Variants in WDR1 observed in about 807,000 individuals in gnomAD.
WDR1 encodes the protein WD repeat domain 1, also known as WD repeat-containing protein 1.
Under a neutral mutation model 71.9 loss-of-function variants are expected in WDR1, and 21 were observed. The observed-to-expected ratio is 0.29, with a 90% CI of 0.21 to 0.42. The LOEUF (loss-of-function observed/expected upper bound fraction) is 0.42, where lower values mean the gene tolerates loss of function less well. WDR1 is among the 10% of genes least tolerant of loss of function. The pLI, the probability that WDR1 is intolerant of heterozygous loss-of-function variation, is 1.00. For synonymous variants in WDR1, 424 were observed against 347.4 expected (o/e 1.22, Z -2.45); for missense variants, 696 against 824.5 (o/e 0.84, Z 1.91).
chr4:10,081,607 G>A (rs1765016176), intron 10 of WDR1, among the ~76,000 whole-genome samples, 163 bp from the exon 11 acceptor site: 4 of 135,786 alleles, frequency 2.9e-5, no homozygotes, highest in South Asian at 2.4e-4. Flanking sequence ...GCGAAAAAAC[G>A]ATCCATGACT....
chr4:10,088,749 A>C lies in WDR1; in HGVS notation c.559-8T>G. 6.3e-7 allele frequency: 1 copy of C among 1,588,652 alleles called. No individual in the cohort carries two copies. The highest frequency in any genetic ancestry group is 8.6e-7 in the Non-Finnish European group (1 of 1,166,788). ...GACAAAGCGGCTGTGGTCCTGCAGG[A>C]AAACAATTACCTGCCTGATGAGGGG... On this transcript the variant is annotated splice_polypyrimidine_tract_variant and splice_region_variant and intron_variant, in intron 5 of 14. Transcript: ENST00000499869.
At chr4:10,093,252 G>T in intron 5 of WDR1, 1 of 818,172 alleles carries the variant, frequency 1.2e-6, no homozygotes, top group Non-Finnish European at 1.7e-6. Context: ...AGGACCACAA[G>T]CCCACCCTTA....
chr4:10,102,985 G>A (rs1712771943), intron 3 of WDR1, among the ~76,000 whole-genome samples: 1 of 152,098 alleles, frequency 6.6e-6, no homozygotes, highest in South Asian at 2.1e-4. Flanking sequence ...ATTCTAGAAG[G>A]GGTACCACTC....
intron 3 of WDR1, among the ~76,000 whole-genome samples, chr4:10,102,509 C>A (rs1281647265): frequency 6.6e-6 from 1 of 152,204 alleles, no homozygotes; most frequent in Non-Finnish European, 1.5e-5. Context: ...CTTTGTTCTT[C>A]TGCCATGGAC....
Position 10,099,188 on chromosome 4 carries a change from A to ATG in WDR1, c.230-50_230-49insCA. The ATG allele has an allele frequency of 3.9e-5, 16 of 414,380 alleles. 1 individual carries two copies. Among genetic ancestry groups the ATG allele is most frequent in the East Asian group, 2.7e-4 (5 of 18,322 alleles). 25.7% of individuals were successfully genotyped at this position (414,380 alleles called of 1,614,324 possible). ...AGGGGGGGAGGCGGTGGTGGGGTAAAGGGCAGGGGGAGAGCCACAGGTCAC... is the reference window on the plus strand; with the variant it reads ...AGGGGGGGAGGCGGTGGTGGGGTAAATGGGGCAGGGGGAGAGCCACAGGTCAC... On this transcript the variant is annotated intron_variant, in intron 3 of 14. Transcript: ENST00000499869.
At chr4:10,094,523 G>A (rs1047155374) in intron 5 of WDR1, among the ~76,000 whole-genome samples, 4 of 152,192 alleles carry the variant, frequency 2.6e-5, no homozygotes, top group African/African-American at 7.2e-5. Context: ...AGATGGTCTC[G>A]CCACCCTCCC....
chr4:10,090,708 G>C (rs952519881), intron 5 of WDR1, among the ~76,000 whole-genome samples: 6 of 152,222 alleles, frequency 3.9e-5, no homozygotes, highest in Admixed American at 3.9e-4. Context: ...ACCTGAACCA[G>C]GATCTCCCAC....
Position 10,075,188 on chromosome 4 carries a change from T to G in WDR1, c.*190A>C, listed in dbSNP as rs1764752450. On this transcript the variant is annotated 3_prime_UTR_variant, in exon 15 of 15. Transcript: ENST00000499869. ...GCTTTATTTTTCATGTGCAAACTGT[T>G]ACTGTCTAAAGCTTTCAGAAGAACG... is the stretch of plus-strand genomic sequence containing the variant. 1.8e-6 allele frequency: 1 copy of G among 568,220 alleles called. No homozygotes were observed. The highest frequency in any genetic ancestry group is 1.9e-5 in the African/African-American group (1 of 53,588). The allele number at this position is 568,220 out of a possible 1,614,324, so 35.2% of individuals were successfully genotyped here.
chr4:10,077,358 T>C lies in WDR1; in HGVS notation c.1660A>G (p.Met554Val). 1.2e-6 allele frequency: 2 copies of C among 1,614,018 alleles called. No individual in the cohort carries two copies. Among genetic ancestry groups the C allele is most frequent in the African/African-American group, 1.3e-5 (1 of 75,062 alleles). Residue 554 changes from methionine (M) to valine (V), a missense_variant, in exon 14 of 15, where the codon ATG becomes GTG. Coordinates refer to ENST00000499869, the MANE Select transcript of WDR1 (RefSeq NM_017491.5). ...CTCAGGGTCCAAACATACACCATCA[T>C]GTCCATGCCACCGGAGGCAAAGTGT... is the stretch of plus-strand genomic sequence containing the variant. ...NEHFASGGMD[M>V]MVYVWTLSDP... is the part of the protein sequence containing the mutation.
At chr4:10,097,408 CCCAGA>C (rs1712409210) in intron 5 of WDR1, among the ~76,000 whole-genome samples, 3 of 152,266 alleles carry the variant, frequency 2.0e-5, no homozygotes, top group Non-Finnish European at 4.4e-5. Flanking sequence ...CACCTCCAGC[CCCAGA>C]TGCTTGCCTG....
At chr4:10,079,023 G>A (rs1764908706) in intron 11 of WDR1, 22 bp from the exon 12 acceptor site, 1 of 1,572,814 alleles carries the variant, frequency 6.4e-7, no homozygotes, top group Non-Finnish European at 8.7e-7. Context: ...ACAGGCAGCT[G>A]GTCAGGCGGT....
intron 2 of WDR1, among the ~76,000 whole-genome samples, chr4:10,111,421 C>T (rs1713355883): frequency 6.6e-6 from 1 of 152,212 alleles, no homozygotes; most frequent in African/African-American, 2.4e-5. Flanking sequence ...GCTTCCCCTG[C>T]CATCAGGTGG....
chr4:10,076,411 T>C (rs769553436), intron 14 of WDR1: 9 of 152,304 alleles, frequency 5.9e-5, no homozygotes, highest in Non-Finnish European at 1.3e-4. Flanking sequence ...TGGTGGCCTG[T>C]GACCTCACAG....
In WDR1 at chr4:10,097,743, C is replaced by T. The variant is rs1235597203; in HGVS notation, c.526G>A (p.Gly176Arg). 6.2e-7 allele frequency: 1 copy of T among 1,610,192 alleles called. No individual in the cohort carries two copies. Among genetic ancestry groups the T allele is most frequent in the Non-Finnish European group, 8.5e-7 (1 of 1,178,090 alleles). Residue 176 changes from glycine (G) to arginine (R), a missense_variant, in exon 5 of 15, where the codon GGA becomes AGA. Transcript: ENST00000499869. ...GTGAACTTGAACTTGAATGGGGGTCCCTCAAAGAATGCCGCGCAGTTATCA... is the reference window on the plus strand; with the variant it reads ...GTGAACTTGAACTTGAATGGGGGTCTCTCAAAGAATGCCGCGCAGTTATCA... The part of the protein sequence containing the change: ...SDDNCAAFFE[G>R]PPFKFKFTIG...
chr4:10,116,444 C>T lies in WDR1; in HGVS notation c.16+207G>A, dbSNP rs374070744. The stretch of plus-strand genomic sequence containing the variant: ...TGGGGGCAGCGGGGCTCCTCCGGCT[C>T]GGCCCACGGCGCCAACTTGGGGGCG... On this transcript the variant is annotated intron_variant, in intron 1 of 14. Coordinates refer to ENST00000499869, the MANE Select transcript of WDR1 (RefSeq NM_017491.5). The T allele has an allele frequency of 3.0e-5, 24 of 798,072 alleles. No individual in the cohort carries two copies. The East Asian group carries it at 7.1e-4, about 24-fold the overall frequency. The allele number at this position is 798,072 out of a possible 1,614,324, so 49.4% of individuals were successfully genotyped here.
chr4:10,114,219 G>C (rs539444044), intron 2 of WDR1, among the ~76,000 whole-genome samples: 13 of 152,324 alleles, frequency 8.5e-5, no homozygotes, highest in African/African-American at 2.4e-4. Context: ...AAATAATTGA[G>C]AAGGGAAACA....
At chr4:10,082,351 G>A (rs750375044) in intron 10 of WDR1, among the ~76,000 whole-genome samples, 17 of 152,050 alleles carry the variant, frequency 1.1e-4, no homozygotes, top group Admixed American at 6.6e-4. Flanking sequence ...CAGGACTACC[G>A]GGTGACAAAG....
chr4:10,075,578 C>T, intron 14 of WDR1, 94 bp from the exon 15 acceptor site: 1 of 1,174,544 alleles, frequency 8.5e-7, no homozygotes, highest in South Asian at 1.4e-5. Flanking sequence ...GTGCCTAAAT[C>T]ATCTCCAGGG....
intron 3 of WDR1, among the ~76,000 whole-genome samples, chr4:10,100,853 T>TA (rs1162552388): frequency 6.6e-6 from 1 of 152,204 alleles, no homozygotes; most frequent in African/African-American, 2.4e-5. Context: ...GACATGCAGA[T>TA]ACACTCAGGA....
Sources: allele counts gnomAD v4.1 joint callset (sites outside exome capture counted in the v4.1 genomes callset), GRCh38; gene constraint gnomAD v4.1.1; transcripts MANE v1.5; gene names NCBI Gene and HGNC (gene_info 2026-07-23, HGNC 2026-07-21).